Variants in IQCM observed in about 807,000 individuals in gnomAD.
IQCM encodes the protein IQ domain-containing protein M.
A neutral mutation model predicts 57.6 loss-of-function variants in IQCM; 45 were observed. The ratio of observed to expected loss-of-function variants is 0.78; its 90% CI spans 0.62 to 1.00. The LOEUF (loss-of-function observed/expected upper bound fraction) is 1.00, where lower values mean the gene tolerates loss of function less well. Ranked by LOEUF, IQCM falls within the 50% of genes least tolerant of loss-of-function variation. The pLI is 0.00. For missense variants in IQCM, 468 were observed against 511.6 expected (o/e 0.91, Z 0.82); for synonymous variants, 148 against 158.9 (o/e 0.93, Z 0.51).
At chr4:149,473,052 C>T (rs1056420780) in intron 12 of IQCM, among the ~76,000 whole-genome samples, 1 of 152,190 alleles carries the variant, frequency 6.6e-6, no homozygotes, top group Non-Finnish European at 1.5e-5. Context: ...CCATTCAGCA[C>T]ATAGGCATGG....
intron 8 of IQCM, among the ~76,000 whole-genome samples, chr4:149,598,075 G>GA (rs1753943729): frequency 6.6e-6 from 1 of 152,078 alleles, no homozygotes; most frequent in African/African-American, 2.4e-5. Flanking sequence ...TTGAGAGGAA[G>GA]AAAAAATACA....
At chr4:149,463,573 T>A (rs1738531667) in intron 12 of IQCM, among the ~76,000 whole-genome samples, 2 of 152,218 alleles carry the variant, frequency 1.3e-5, no homozygotes, top group Admixed American at 1.3e-4. Flanking sequence ...GAAACCATAT[T>A]CTGAATCCCT....
intron 12 of IQCM, among the ~76,000 whole-genome samples, chr4:149,492,779 C>T (rs915873883): frequency 3.9e-5 from 6 of 152,068 alleles, no homozygotes; most frequent in African/African-American, 1.2e-4. Context: ...AAGCTTAAAA[C>T]AAGCTTACCC....
chr4:149,389,627 A>G (rs1371639912), intron 13 of IQCM, among the ~76,000 whole-genome samples: 1 of 150,040 alleles, frequency 6.7e-6, no homozygotes, highest in South Asian at 2.1e-4. Flanking sequence ...CAAACACCGC[A>G]TATTCTCACT....
chr4:149,790,731 T>A (rs2150028669), intron 2 of IQCM, among the ~76,000 whole-genome samples: 1 of 152,254 alleles, frequency 6.6e-6, no homozygotes, highest in East Asian at 1.9e-4. Flanking sequence ...CCCAGGACAA[T>A]ATTAAGAAAA....
chr4:149,536,207 T>C (rs1302758633), intron 12 of IQCM, among the ~76,000 whole-genome samples: 1 of 152,064 alleles, frequency 6.6e-6, no homozygotes, highest in Non-Finnish European at 1.5e-5. Flanking sequence ...TTTGAAAACA[T>C]CCATTTACAG....
intron 13 of IQCM, among the ~76,000 whole-genome samples, chr4:149,426,467 T>C (rs186587805): frequency 2.9e-4 from 44 of 152,066 alleles, no homozygotes; most frequent in Middle Eastern, 6.8e-3. Context: ...ACTAGAGGCA[T>C]AAAACAACAA....
At chr4:149,433,766 G>A (rs533589354) in intron 12 of IQCM, among the ~76,000 whole-genome samples, 12 of 151,308 alleles carry the variant, frequency 7.9e-5, no homozygotes, top group African/African-American at 1.7e-4. Context: ...TACTAATACC[G>A]TCTTAAACCA....
chr4:149,707,465 A>T (rs1764243400), intron 5 of IQCM, among the ~76,000 whole-genome samples: 1 of 151,982 alleles, frequency 6.6e-6, no homozygotes, highest in South Asian at 2.1e-4. Context: ...TCTGCCACGA[A>T]TGTGAGGCTC....
rs1328351119 is a variant in IQCM, at chr4:149,687,775, G to A, written c.386-1307C>T. ...CATGATCAAGTGGGTTTCATACCAG[G>A]GATGCAGGGATGGTTTAACATATGC... On this transcript the variant is annotated intron_variant, in intron 5 of 13. Transcript: ENST00000636793. Among the ~76,000 whole-genome samples, 3 of 151,784 alleles carry A rather than the reference G, an allele frequency of 2.0e-5. No individual in the cohort carries two copies. The South Asian group carries it at 6.2e-4, about 32-fold the overall frequency.
chr4:149,574,932 T>A lies in IQCM; in HGVS notation c.750-11042A>T, dbSNP rs1177778949. ...CAGGTTGCCAAGTTCAGAAATATAGTAAAAGAGATCTGTGATGCCTCCCTC... is the reference window on the plus strand; with the variant it reads ...CAGGTTGCCAAGTTCAGAAATATAGAAAAAGAGATCTGTGATGCCTCCCTC... On this transcript the variant is annotated intron_variant, in intron 9 of 13. Coordinates refer to ENST00000636793, the MANE Select transcript of IQCM (RefSeq NM_001363507.2). 2.0e-5 allele frequency among the ~76,000 whole-genome samples: 3 copies of A among 151,932 alleles called. No homozygotes were observed. In the East Asian group the frequency reaches 5.8e-4, roughly 29 times the overall value.
At chr4:149,404,851 C>A (rs542807448) in intron 13 of IQCM, among the ~76,000 whole-genome samples, 10 of 151,946 alleles carry the variant, frequency 6.6e-5, no homozygotes, top group Admixed American at 3.3e-4. Context: ...AACAAAGTGT[C>A]CTCTAGAGAA....
At chr4:149,748,916 A>C (rs1356517078) in intron 2 of IQCM, among the ~76,000 whole-genome samples, 1 of 152,234 alleles carries the variant, frequency 6.6e-6, no homozygotes. Context: ...AAATCAATGA[A>C]AAATACAGGC....
chr4:149,469,517 G>A (rs1053952641), intron 12 of IQCM, among the ~76,000 whole-genome samples: 11 of 152,266 alleles, frequency 7.2e-5, no homozygotes, highest in East Asian at 1.9e-4. Context: ...TGAAAGTGAC[G>A]GGGAGAATGG....
At chr4:149,811,576 G>T (rs1774569157) in intron 2 of IQCM, among the ~76,000 whole-genome samples, 1 of 152,090 alleles carries the variant, frequency 6.6e-6, no homozygotes, top group South Asian at 2.1e-4. Flanking sequence ...GCATTTCCCT[G>T]CTTCTCTTTC....
intron 12 of IQCM, among the ~76,000 whole-genome samples, chr4:149,523,307 T>C (rs1393999348): frequency 2.0e-5 from 3 of 151,944 alleles, no homozygotes; most frequent in Non-Finnish European, 2.9e-5. Flanking sequence ...ATTCAGTCCA[T>C]AGCATGCAAT....
At chr4:149,649,547 TA>T (rs1313325549) in intron 7 of IQCM, among the ~76,000 whole-genome samples, 14 of 152,202 alleles carry the variant, frequency 9.2e-5, no homozygotes, top group Non-Finnish European at 1.6e-4. Context: ...AAAAATAGTT[TA>T]TTTTTTATTA....
chr4:149,375,458 G>A (rs1286320770), intron 13 of IQCM, among the ~76,000 whole-genome samples: 1 of 152,040 alleles, frequency 6.6e-6, no homozygotes, highest in African/African-American at 2.4e-5. Flanking sequence ...CCAGGAGCTG[G>A]GTTAGTTTCT....
chr4:149,763,295 A>G lies in IQCM; in HGVS notation c.-48-20556T>C, dbSNP rs1477157860. Reference sequence around the variant, plus strand: ...CCTAAACTATTAGTTGGAAAGATGGACAAGCAGATCCCAAATCCAGATATG... The same window carrying G: ...CCTAAACTATTAGTTGGAAAGATGGGCAAGCAGATCCCAAATCCAGATATG... On this transcript the variant is annotated intron_variant, in intron 2 of 13. Transcript: ENST00000636793. Among the ~76,000 whole-genome samples the G allele has an allele frequency of 2.6e-5, 4 of 152,120 alleles. No homozygotes were observed. In the East Asian group the frequency reaches 7.7e-4, roughly 29 times the overall value.
Sources: allele counts gnomAD v4.1 joint callset (sites outside exome capture counted in the v4.1 genomes callset), GRCh38; gene constraint gnomAD v4.1.1; transcripts MANE v1.5; gene names NCBI Gene and HGNC (gene_info 2026-07-23, HGNC 2026-07-21).